UNC5D: variants seen among roughly 807,000 people sequenced by gnomAD.
UNC5D encodes the protein netrin receptor UNC5D.
In UNC5D, 39 loss-of-function variants were observed where a neutral mutation model predicts 105.4. The ratio of observed to expected loss-of-function variants is 0.37; its 90% confidence interval spans 0.29 to 0.48. The LOEUF (loss-of-function observed/expected upper bound fraction) is 0.48. UNC5D is among the 20% of genes least tolerant of loss of function. The pLI is 0.98. For missense variants in UNC5D, 991 were observed against 1,202.4 expected (o/e 0.82, Z 2.60); for synonymous variants, 452 against 450.4 (o/e 1.00, Z -0.04).
chr8:35,385,666 C>G (rs753777770), intron 1 of UNC5D, among the ~76,000 whole-genome samples: 7 of 151,974 alleles, frequency 4.6e-5, no homozygotes, highest in Admixed American at 4.6e-4. Context: ...GGGGTTTCAC[C>G]GTGTTAGCCA....
intron 1 of UNC5D, among the ~76,000 whole-genome samples, chr8:35,247,475 G>T (rs761148268): frequency 7.4e-6 from 1 of 135,698 alleles, no homozygotes; most frequent in Non-Finnish European, 1.5e-5. Context: ...TAATAAATTT[G>T]TTCAGTATGA....
At chr8:35,727,480 G>A (rs891224649) in intron 10 of UNC5D, 1 of 152,150 alleles carries the variant, frequency 6.6e-6, no homozygotes, top group Non-Finnish European at 1.5e-5. Context: ...AATAAAATCT[G>A]TAATAGGACT....
At chr8:35,416,465 A>G (rs544987811) in intron 1 of UNC5D, among the ~76,000 whole-genome samples, 1 of 152,222 alleles carries the variant, frequency 6.6e-6, no homozygotes, top group East Asian at 1.9e-4. Context: ...AGTATTTCAT[A>G]AACAAGTTGA....
chr8:35,736,274 G>C (rs892137942), intron 11 of UNC5D, among the ~76,000 whole-genome samples: 1 of 152,162 alleles, frequency 6.6e-6, no homozygotes, highest in Admixed American at 6.5e-5. Flanking sequence ...AGGAGGCTGG[G>C]GTGGGAGGAT....
At chr8:35,449,942 C>G (rs1176751197) in intron 1 of UNC5D, among the ~76,000 whole-genome samples, 2 of 152,164 alleles carry the variant, frequency 1.3e-5, no homozygotes, top group Non-Finnish European at 2.9e-5. Flanking sequence ...GCATTCCTGT[C>G]CTTCAAGAAT....
chr8:35,690,933 C>T (rs1826348774), intron 7 of UNC5D, among the ~76,000 whole-genome samples: 1 of 152,214 alleles, frequency 6.6e-6, no homozygotes, highest in Non-Finnish European at 1.5e-5. Flanking sequence ...TCAATTTCCA[C>T]CTTCTCGTGG....
At chr8:35,297,106 G>A (rs147355398) in intron 1 of UNC5D, among the ~76,000 whole-genome samples, 2 of 152,252 alleles carry the variant, frequency 1.3e-5, no homozygotes, top group African/African-American at 4.8e-5. Flanking sequence ...CCTTCATTGA[G>A]TACCACAGGG....
intron 14 of UNC5D, 97 bp from the exon 15 acceptor site, chr8:35,766,787 CTCATCGTTGTTGTTGTCG>C (rs1801787315): frequency 8.1e-7 from 1 of 1,238,270 alleles, no homozygotes; most frequent in Non-Finnish European, 1.1e-6. Context: ...TGTGATTGTC[CTCATCGTTGTTGTTGTCG>C]TCATCATCAT....
At chr8:35,334,233 C>T (rs903236789) in intron 1 of UNC5D, among the ~76,000 whole-genome samples, 6 of 151,928 alleles carry the variant, frequency 3.9e-5, no homozygotes, top group Admixed American at 1.3e-4. Context: ...GCAGAAGTAG[C>T]GTCAGTGAAA....
intron 1 of UNC5D, among the ~76,000 whole-genome samples, chr8:35,517,771 C>G (rs1813196454): frequency 6.6e-6 from 1 of 152,146 alleles, no homozygotes; most frequent in Non-Finnish European, 1.5e-5. Context: ...GACTGGGTAG[C>G]TTACAAACAA....
intron 8 of UNC5D, among the ~76,000 whole-genome samples, chr8:35,710,648 T>C (rs1827881585): frequency 6.6e-6 from 1 of 152,020 alleles, no homozygotes; most frequent in Admixed American, 6.6e-5. Flanking sequence ...GACCTGAGGA[T>C]GGACCCTGAC....
intron 1 of UNC5D, among the ~76,000 whole-genome samples, chr8:35,474,717 C>A (rs370416780): frequency 2.0e-5 from 3 of 152,250 alleles, no homozygotes; most frequent in South Asian, 2.1e-4. Context: ...CCTTGACCTG[C>A]TTAGAACTGT....
At chr8:35,667,184 A>C (rs1824479379) in intron 4 of UNC5D, among the ~76,000 whole-genome samples, 1 of 152,256 alleles carries the variant, frequency 6.6e-6, no homozygotes, top group South Asian at 2.1e-4. Flanking sequence ...AACATAATAT[A>C]GATTGCAGAA....
At chr8:35,691,307 A>C (rs578070742) in intron 7 of UNC5D, among the ~76,000 whole-genome samples, 1 of 152,100 alleles carries the variant, frequency 6.6e-6, no homozygotes, top group East Asian at 1.9e-4. Context: ...ACATAGCAAG[A>C]CCCCGGTCTC....
chr8:35,688,747 A>G (rs1219224411), intron 7 of UNC5D, among the ~76,000 whole-genome samples: 3 of 152,238 alleles, frequency 2.0e-5, no homozygotes, highest in Non-Finnish European at 4.4e-5. Flanking sequence ...TTTTTCTAAT[A>G]CACACATTTG....
chr8:35,347,978 T>C (rs139242662), intron 1 of UNC5D, among the ~76,000 whole-genome samples: 1 of 152,168 alleles, frequency 6.6e-6, no homozygotes, highest in Non-Finnish European at 1.5e-5. Flanking sequence ...TTTTATTTCA[T>C]ATTTCTTTAA....
At chr8:35,699,773 C>T (rs1243097820) in intron 7 of UNC5D, among the ~76,000 whole-genome samples, 1 of 152,068 alleles carries the variant, frequency 6.6e-6, no homozygotes, top group African/African-American at 2.4e-5. Context: ...TAACCTAGTA[C>T]TAAGTGGGAT....
intron 4 of UNC5D, among the ~76,000 whole-genome samples, chr8:35,641,439 G>A (rs1000083598): frequency 6.6e-6 from 1 of 151,064 alleles, no homozygotes; most frequent in Non-Finnish European, 1.5e-5. Context: ...CCACAGGGAT[G>A]GGGTGTCTGA....
At chr8:35,507,871 T>TGTAA (rs1812440342) in intron 1 of UNC5D, among the ~76,000 whole-genome samples, 1 of 152,180 alleles carries the variant, frequency 6.6e-6, no homozygotes, top group African/African-American at 2.4e-5. Flanking sequence ...TCATGTTCCC[T>TGTAA]GTAAGTATAC....
Sources: allele counts gnomAD v4.1 joint callset (sites outside exome capture counted in the v4.1 genomes callset), GRCh38; gene constraint gnomAD v4.1.1; transcripts MANE v1.5; gene names NCBI Gene and HGNC (gene_info 2026-07-23, HGNC 2026-07-21).